PTPRM: variants seen among roughly 807,000 people sequenced by gnomAD.
The protein encoded by PTPRM is receptor-type tyrosine-protein phosphatase mu.
PTPRM carries 47 observed loss-of-function variants against 186.7 expected under a neutral mutation model. The ratio of observed to expected loss-of-function variants is 0.25; its 90% CI spans 0.20 to 0.32. The LOEUF is 0.32. Ranked by LOEUF, PTPRM falls within the 10% of genes least tolerant of loss-of-function variation. The pLI is 1.00. For synonymous variants in PTPRM, 668 were observed against 674.9 expected, an observed-to-expected ratio of 0.99 and a Z score of 0.16; for missense variants, 1,494 against 1,865.0, an observed-to-expected ratio of 0.80 and a Z score of 3.66.
chr18:7,665,758 C>T (rs2039080767), intron 1 of PTPRM, among the ~76,000 whole-genome samples: 1 of 151,932 alleles, frequency 6.6e-6, no homozygotes, highest in Non-Finnish European at 1.5e-5. Flanking sequence ...CTCATCTCTA[C>T]TAAAAATACA....
chr18:8,315,470 C>T (rs1279994173), intron 21 of PTPRM, among the ~76,000 whole-genome samples: 1 of 152,120 alleles, frequency 6.6e-6, no homozygotes, highest in Admixed American at 6.5e-5. Context: ...TAATGTTTTA[C>T]ATTAGAATAA....
chr18:7,616,372 G>A (rs1361990616), intron 1 of PTPRM, among the ~76,000 whole-genome samples: 2 of 152,002 alleles, frequency 1.3e-5, no homozygotes, highest in African/African-American at 4.8e-5. Flanking sequence ...GTTGCCCTTG[G>A]GGTCTTGAAC....
chr18:7,956,279 C>G (rs1004206701), intron 7 of PTPRM, among the ~76,000 whole-genome samples: 23 of 152,238 alleles, frequency 1.5e-4, no homozygotes, highest in African/African-American at 5.5e-4. Flanking sequence ...ATCAATGTTT[C>G]ATTTCTTTCT....
intron 23 of PTPRM, among the ~76,000 whole-genome samples, chr18:8,344,074 A>G (rs1439090350): frequency 6.6e-6 from 1 of 152,184 alleles, no homozygotes; most frequent in Non-Finnish European, 1.5e-5. Flanking sequence ...AAACTTTTAC[A>G]TAGTTGTAAT....
At position 7,811,015 on chromosome 18, in the gene PTPRM, T is replaced by A. The variant is rs180938076; in HGVS notation, c.196+36744T>A. Among the ~76,000 whole-genome samples the A allele has an allele frequency of 2.2e-3, 335 of 152,250 alleles. 3 individuals carry two copies. Among genetic ancestry groups the A allele is most frequent in the Non-Finnish European group, 2.8e-3 (193 of 68,010 alleles). On this transcript the variant is annotated intron_variant, in intron 2 of 32. Transcript: ENST00000580170. The stretch of plus-strand genomic sequence containing the variant: ...TTTTATTTTATCCTTTGCCCAGTAA[T>A]TTTTTTTCAACCAATATTGGGCCAG...
intron 2 of PTPRM, among the ~76,000 whole-genome samples, chr18:7,792,974 T>C (rs2043420063): frequency 6.6e-6 from 1 of 152,168 alleles, no homozygotes. Flanking sequence ...TTTTTAAATT[T>C]TATTACCAAG....
At chr18:8,293,794 T>C (rs2095065580) in intron 19 of PTPRM, among the ~76,000 whole-genome samples, 1 of 152,216 alleles carries the variant, frequency 6.6e-6, no homozygotes, top group South Asian at 2.1e-4. Flanking sequence ...ATAAATCCCC[T>C]GATTATATAA....
intron 1 of PTPRM, among the ~76,000 whole-genome samples, chr18:7,645,294 C>T (rs1203754840): frequency 6.6e-6 from 1 of 152,146 alleles, no homozygotes; most frequent in Non-Finnish European, 1.5e-5. Context: ...AGTTCAGAAT[C>T]GGGCACATTT....
intron 7 of PTPRM, among the ~76,000 whole-genome samples, chr18:8,054,322 T>TATATATATA (rs1555710867): frequency 1.4e-4 from 19 of 135,124 alleles, no homozygotes; most frequent in African/African-American, 4.1e-4. Context: ...TATATATATA[T>TATATATATA]TACTACTACT....
chr18:7,796,126 C>CA (rs1427989300), intron 2 of PTPRM, among the ~76,000 whole-genome samples: 1 of 151,518 alleles, frequency 6.6e-6, no homozygotes, highest in Admixed American at 6.6e-5. Flanking sequence ...AATTTGGACT[C>CA]AAACACCACA....
At chr18:7,848,853 G>GT (rs972925146) in intron 2 of PTPRM, among the ~76,000 whole-genome samples, 68 of 152,142 alleles carry the variant, frequency 4.5e-4, no homozygotes, top group African/African-American at 1.6e-3. Context: ...CTAAAATGAA[G>GT]TTTTTTTTAA....
intron 2 of PTPRM, among the ~76,000 whole-genome samples, chr18:7,820,609 C>T (rs1360237175): frequency 1.3e-5 from 2 of 152,164 alleles, no homozygotes; most frequent in African/African-American, 4.8e-5. Flanking sequence ...CGAGGCACCC[C>T]CAGTCAGAGT....
At chr18:7,584,605 A>G (rs2036929774) in intron 1 of PTPRM, among the ~76,000 whole-genome samples, 1 of 151,620 alleles carries the variant, frequency 6.6e-6, no homozygotes, top group South Asian at 2.1e-4. Context: ...CTGAATACAT[A>G]TTGTTTATTA....
At chr18:8,032,027 T>C (rs2086009542) in intron 7 of PTPRM, among the ~76,000 whole-genome samples, 2 of 152,126 alleles carry the variant, frequency 1.3e-5, no homozygotes. Context: ...AAAATAATGT[T>C]GAAAAAAGGG....
intron 29 of PTPRM, 77 bp downstream of exon 29, chr18:8,380,504 C>A: frequency 6.5e-7 from 1 of 1,548,290 alleles, no homozygotes; most frequent in Non-Finnish European, 8.9e-7. Context: ...TGTTTGCACC[C>A]GAGAAGTGCA....
chr18:8,184,317 C>A (rs1251083829), intron 14 of PTPRM, among the ~76,000 whole-genome samples: 1 of 125,030 alleles, frequency 8.0e-6, no homozygotes, highest in Non-Finnish European at 2.0e-5. Flanking sequence ...TGTGTTTTAT[C>A]CTGCTGCAAC....
At chr18:8,391,171 A>G (rs1406478447) in intron 31 of PTPRM, among the ~76,000 whole-genome samples, 1 of 152,168 alleles carries the variant, frequency 6.6e-6, no homozygotes, top group African/African-American at 2.4e-5. Flanking sequence ...GTAGGAAGGA[A>G]GTAAATACTG....
At chr18:7,580,987 G>A (rs1241195869) in intron 1 of PTPRM, among the ~76,000 whole-genome samples, 1 of 152,198 alleles carries the variant, frequency 6.6e-6, no homozygotes, top group Non-Finnish European at 1.5e-5. Flanking sequence ...TCAGGGAAAG[G>A]TGTGATTCTC....
intron 1 of PTPRM, among the ~76,000 whole-genome samples, chr18:7,679,435 C>T (rs150840528): frequency 2.5e-4 from 38 of 152,170 alleles, no homozygotes; most frequent in African/African-American, 9.2e-4. Flanking sequence ...GAGGCCGAGG[C>T]AAGTGGATCA....
Sources: allele counts gnomAD v4.1 joint callset (sites outside exome capture counted in the v4.1 genomes callset), GRCh38; gene constraint gnomAD v4.1.1; transcripts MANE v1.5; gene names NCBI Gene and HGNC (gene_info 2026-07-23, HGNC 2026-07-21).